The following PTPRC variants were observed in gnomAD, a reference collection of about 807,000 sequenced individuals.
PTPRC encodes receptor-type tyrosine-protein phosphatase C.
PTPRC carries 44 observed loss-of-function variants against 155.9 expected under a neutral mutation model. That is an observed-to-expected ratio of 0.28 (90% CI 0.22 to 0.36). The LOEUF is 0.36. Ranked by LOEUF, PTPRC falls within the 10% of genes least tolerant of loss-of-function variation. The pLI is 1.00. For synonymous variants in PTPRC, 525 were observed against 533.1 expected (o/e 0.98, Z 0.21); for missense variants, 1,401 against 1,564.6 (o/e 0.90, Z 1.76).
intron 2 of PTPRC, among the ~76,000 whole-genome samples, chr1:198,642,556 C>T (rs940248921): frequency 6.6e-6 from 1 of 151,990 alleles, no homozygotes; most frequent in African/African-American, 2.4e-5. Context: ...GAACTTACTA[C>T]CTTTCCTAAA....
chr1:198,730,862 C>A (rs894169133), intron 17 of PTPRC, among the ~76,000 whole-genome samples: 1 of 152,056 alleles, frequency 6.6e-6, no homozygotes, highest in Non-Finnish European at 1.5e-5. Context: ...TCATGGATAA[C>A]TTCTTTCTTT....
At chr1:198,755,306 T>A (rs904210640) in intron 32 of PTPRC, among the ~76,000 whole-genome samples, 1 of 152,116 alleles carries the variant, frequency 6.6e-6, no homozygotes, top group Non-Finnish European at 1.5e-5. Flanking sequence ...TTAATCCTTA[T>A]TCACAGTGTA....
chr1:198,742,979 C>A (rs902193992), intron 25 of PTPRC, among the ~76,000 whole-genome samples: 8 of 137,580 alleles, frequency 5.8e-5, no homozygotes, highest in South Asian at 2.3e-4. Flanking sequence ...TTTGACCCAG[C>A]AAAATCACAT....
chr1:198,685,761 A>G (rs1181152223), intron 2 of PTPRC, among the ~76,000 whole-genome samples: 1 of 152,034 alleles, frequency 6.6e-6, no homozygotes, highest in Non-Finnish European at 1.5e-5. Context: ...ACTTTTGTAC[A>G]GGCTTTATGT....
chr1:198,751,325 G>C (rs1433018864), intron 29 of PTPRC, among the ~76,000 whole-genome samples: 3 of 151,822 alleles, frequency 2.0e-5, no homozygotes, highest in Non-Finnish European at 1.5e-5. Context: ...AATGTCTTCA[G>C]TTATTATTAA....
rs975797535 is a variant in PTPRC at position 198,741,964 on chromosome 1, A to G, written c.2499A>G (p.Lys833=). 21 of 1,612,040 alleles carry G rather than the reference A, an allele frequency of 1.3e-5. No homozygotes were observed. Among genetic ancestry groups the G allele is most frequent in the African/African-American group, 1.2e-4 (9 of 74,742 alleles). ...CTGAGGATCCTCACTTGCTCCTCAA[A>G]CTGAGAAGGAGAGTGAATGCCTTCA... ...GVPEDPHLLL[K]LRRRVNAFSN... The change falls in exon 24 of 33, where the codon AAA becomes AAG. Residue 833 remains lysine (K), a synonymous_variant. Coordinates refer to ENST00000442510, the MANE Select transcript of PTPRC (RefSeq NM_002838.5).
intron 25 of PTPRC, 146 bp from the exon 26 acceptor site, chr1:198,743,908 T>C (rs1655024171): frequency 1.3e-6 from 1 of 757,908 alleles, no homozygotes; most frequent in Non-Finnish European, 2.2e-6. Flanking sequence ...ACTTCCAGAA[T>C]ATTTAAATAT....
chr1:198,672,615 G>A (rs1664708843), intron 2 of PTPRC, among the ~76,000 whole-genome samples: 2 of 151,374 alleles, frequency 1.3e-5, no homozygotes, highest in East Asian at 1.9e-4. Flanking sequence ...GATTACAGGT[G>A]CACGCCACCA....
At chr1:198,712,864 GGT>G (rs1236734308) in intron 11 of PTPRC, 87 bp from the exon 12 acceptor site, 1 of 1,322,244 alleles carries the variant, frequency 7.6e-7, no homozygotes, top group African/African-American at 1.5e-5. Context: ...GTCAAAATAT[GGT>G]TATCAATAAT....
At chr1:198,695,756 CAA>C (rs1325158681) in intron 3 of PTPRC, among the ~76,000 whole-genome samples, 1 of 152,146 alleles carries the variant, frequency 6.6e-6, no homozygotes, top group African/African-American at 2.4e-5. Context: ...ATCATGACGT[CAA>C]AGACATTTTT....
chr1:198,653,354 A>C (rs1179822329), intron 2 of PTPRC, among the ~76,000 whole-genome samples: 2 of 151,846 alleles, frequency 1.3e-5, no homozygotes, highest in African/African-American at 4.8e-5. Context: ...GAAAAACGAT[A>C]AAGGAGTATA....
intron 23 of PTPRC, among the ~76,000 whole-genome samples, chr1:198,741,176 G>A (rs1196168980): frequency 2.6e-5 from 4 of 151,816 alleles, no homozygotes; most frequent in South Asian, 2.1e-4. Flanking sequence ...CTCAGTTTGT[G>A]TGTTTCTTTT....
chr1:198,752,754 C>T lies in PTPRC; in HGVS notation c.3491C>T (p.Pro1164Leu), dbSNP rs946442343. 10 of 1,612,570 alleles carry T rather than the reference C, an allele frequency of 6.2e-6. No individual in the cohort carries two copies. Among genetic ancestry groups the T allele is most frequent in the Non-Finnish European group, 8.5e-6 (10 of 1,179,250 alleles). Reference sequence around the variant, plus strand: ...GGGAACAAGCATCACAAGAGTACACCTCTACTCATTCACTGCAGGTGCGTG... The same window carrying T: ...GGGAACAAGCATCACAAGAGTACACTTCTACTCATTCACTGCAGGTGCGTG... ...SEGNKHHKST[P>L]LLIHCRDGSQ... The change falls in exon 31 of 33, where the codon CCT (proline) becomes CTT (leucine). Residue 1164 changes from proline (P) to leucine (L), a missense_variant. Coordinates refer to ENST00000442510, the MANE Select transcript of PTPRC (RefSeq NM_002838.5).
At chr1:198,639,621 A>G (rs2102161660) in intron 2 of PTPRC, among the ~76,000 whole-genome samples, 1 of 152,220 alleles carries the variant, frequency 6.6e-6, no homozygotes, top group Admixed American at 6.5e-5. Context: ...GATATTACAA[A>G]AGCAACATTA....
chr1:198,678,229 C>T (rs141034259), intron 2 of PTPRC, among the ~76,000 whole-genome samples: 3 of 152,264 alleles, frequency 2.0e-5, no homozygotes, highest in African/African-American at 7.2e-5. Flanking sequence ...CTGATTTCAC[C>T]AGTGCCTTTA....
chr1:198,710,184 C>T (rs887056124), intron 11 of PTPRC, among the ~76,000 whole-genome samples: 3 of 152,138 alleles, frequency 2.0e-5, no homozygotes, highest in East Asian at 3.8e-4. Flanking sequence ...ATTTTTCCAG[C>T]GCCATTTGCT....
intron 2 of PTPRC, among the ~76,000 whole-genome samples, chr1:198,674,562 T>A (rs1664837716): frequency 6.7e-6 from 1 of 148,474 alleles, no homozygotes; most frequent in Non-Finnish European, 1.5e-5. Context: ...ACATATATAA[T>A]AACATATAAT....
intron 2 of PTPRC, among the ~76,000 whole-genome samples, chr1:198,659,699 T>G (rs1352180825): frequency 2.6e-5 from 4 of 151,922 alleles, no homozygotes; most frequent in African/African-American, 9.7e-5. Context: ...CATGCCTTGC[T>G]AATTTTGTAT....
chr1:198,694,141 G>A (rs1475114171), intron 3 of PTPRC: 11 of 1,536,338 alleles, frequency 7.2e-6, no homozygotes, highest in Non-Finnish European at 7.9e-6. Flanking sequence ...AACCACTGGA[G>A]TAAGTCCAAG....
Sources: allele counts gnomAD v4.1 joint callset (sites outside exome capture counted in the v4.1 genomes callset), GRCh38; gene constraint gnomAD v4.1.1; transcripts MANE v1.5; gene names NCBI Gene and HGNC (gene_info 2026-07-23, HGNC 2026-07-21).